Variants in XG observed in about 807,000 individuals in gnomAD.
The protein encoded by XG is glycoprotein Xg.
A neutral mutation model predicts 25.7 loss-of-function variants in XG; 24 were observed. The ratio of observed to expected loss-of-function variants is 0.93; its 90% CI spans 0.68 to 1.31. The LOEUF is 1.31. Among genes scored for constraint, XG ranks in the 40% most tolerant of loss-of-function variants. The probability of loss-of-function intolerance (pLI) is 0.00; values close to 1 mark genes in which losing one functional copy is unlikely to be tolerated. For synonymous variants in XG, 77 were observed against 69.2 expected (o/e 1.11, Z -0.56); for missense variants, 181 against 187.6 (o/e 0.96, Z 0.21).
intron 1 of XG, among the ~76,000 whole-genome samples, chrX:2,759,446 A>G (rs192818052): frequency 1.3e-5 from 2 of 152,256 alleles, no homozygotes; most frequent in East Asian, 3.9e-4. Context: ...GAGGTACGGT[A>G]TAGTTGTCTG....
At chrX:2,786,509 C>T (rs1317380705) in intron 4 of XG, among the ~76,000 whole-genome samples, 1 of 109,629 alleles carries the variant, frequency 9.1e-6, no homozygotes, top group Non-Finnish European at 1.9e-5. Context: ...CTCAGGTGAT[C>T]TGCCCACCTT....
intron 1 of XG, among the ~76,000 whole-genome samples, chrX:2,757,931 C>T (rs948476205): frequency 7.8e-5 from 11 of 140,226 alleles, no homozygotes; most frequent in Non-Finnish European, 1.5e-4. Context: ...GAGATCATAC[C>T]ACTGCACTCC....
chrX:2,811,356 G>A lies in XG; in HGVS notation c.475G>A (p.Val159Met), dbSNP rs766062680. The change falls in exon 10 of 11, where the codon GTG becomes ATG. Residue 159 changes from valine (V) to methionine (M), a missense_variant. Coordinates refer to ENST00000644266, the MANE Select transcript of XG (RefSeq NM_001141919.2). ...NPEGNMVAKI[V>M]SPIVSVVVVT... ...TGCAGGCAATATGGTAGCAAAAATCGTGTCTCCCATCGTATCCGTGGTGGT... is the reference window on the plus strand; with the variant it reads ...TGCAGGCAATATGGTAGCAAAAATCATGTCTCCCATCGTATCCGTGGTGGT... 1.0e-5 allele frequency: 12 copies of A among 1,204,456 alleles called. No homozygotes were observed. Among genetic ancestry groups the A allele is most frequent in the Middle Eastern group, 2.3e-4 (1 of 4,353 alleles).
intron 7 of XG, among the ~76,000 whole-genome samples, chrX:2,806,304 C>T (rs2086996635): frequency 9.0e-6 from 1 of 111,576 alleles, no homozygotes. Context: ...GGTAGGATTA[C>T]AGGTGGGAGC....
intron 3 of XG, among the ~76,000 whole-genome samples, chrX:2,777,725 AT>A (rs947954934): frequency 1.4e-4 from 21 of 152,362 alleles, no homozygotes; most frequent in African/African-American, 4.8e-4. Flanking sequence ...ATGTTCAGTG[AT>A]TTAATAAATC....
In XG at chrX:2,753,055, C is replaced by T. The variant is rs1043377819; in HGVS notation, c.61+720C>T. The T allele has an allele frequency of 2.5e-4, 204 of 815,712 alleles. 3 individuals carry two copies. In the African/African-American group the frequency reaches 3.2e-3, roughly 13 times the overall value. 50.5% of individuals were successfully genotyped at this position (815,712 alleles called of 1,614,324 possible). A position where few individuals can be genotyped will look rare whatever the true frequency, so the allele number is the denominator to read the frequency against. ...GATTTCAGAGAAGGGAACACCTGGG[C>T]GCATCTTAAGAGAGAGAAGTATTTC... is the stretch of plus-strand genomic sequence containing the variant. On this transcript the variant is annotated intron_variant, in intron 1 of 10. Transcript: ENST00000644266.
intron 3 of XG, among the ~76,000 whole-genome samples, chrX:2,777,256 CAG>C (rs1398092541): frequency 6.6e-6 from 1 of 152,054 alleles, no homozygotes; most frequent in African/African-American, 2.4e-5. Context: ...GCTACCTTCA[CAG>C]AGAGGATAAG....
intron 1 of XG, 115 bp from the exon 2 acceptor site, chrX:2,770,435 A>T (rs2050792112): frequency 2.6e-6 from 3 of 1,172,930 alleles, no homozygotes; most frequent in Admixed American, 1.7e-5. Context: ...GGTTAGTTTT[A>T]GTGCTCTGGG....
At chrX:2,784,690 A>G (rs768399604) in intron 4 of XG, among the ~76,000 whole-genome samples, 8 of 111,758 alleles carry the variant, frequency 7.2e-5, no homozygotes, top group Non-Finnish European at 1.5e-4. Context: ...ATGAACCCCA[A>G]TAGGAGGAGG....
chrX:2,799,004 G>A (rs931692620), intron 7 of XG, among the ~76,000 whole-genome samples: 12 of 109,685 alleles, frequency 1.1e-4, no homozygotes, highest in Non-Finnish European at 1.9e-4. Context: ...GAGAAAAAGC[G>A]TATAAATTTA....
At chrX:2,780,961 C>A (rs998167236) in intron 3 of XG, among the ~76,000 whole-genome samples, 24 of 151,942 alleles carry the variant, frequency 1.6e-4, no homozygotes, top group Non-Finnish European at 3.4e-4. Context: ...AAGCAGTTCC[C>A]AGCTGGACTT....
chrX:2,771,374 G>A (rs1386397155), intron 2 of XG, among the ~76,000 whole-genome samples: 3 of 152,100 alleles, frequency 2.0e-5, no homozygotes, highest in Admixed American at 6.5e-5. Context: ...CTTCACTGAC[G>A]GGGCTGTGAG....
chrX:2,797,413 T>A, intron 7 of XG, 53 bp downstream of exon 7: 2 of 1,169,413 alleles, frequency 1.7e-6, no homozygotes, highest in Non-Finnish European at 2.3e-6. Flanking sequence ...AGGGGTCATC[T>A]TTCTAGGGCT....
At chrX:2,769,524 G>T (rs1374565312) in intron 1 of XG, among the ~76,000 whole-genome samples, 1 of 152,208 alleles carries the variant, frequency 6.6e-6, no homozygotes, top group Non-Finnish European at 1.5e-5. Context: ...TGCATAGTAA[G>T]TGCTGACTCA....
At chrX:2,801,959 G>T (rs1049285678) in intron 7 of XG, among the ~76,000 whole-genome samples, 1 of 110,440 alleles carries the variant, frequency 9.1e-6, no homozygotes, top group Non-Finnish European at 1.9e-5. Flanking sequence ...CGCCCGCCTC[G>T]GCCTCCCAAA....
chrX:2,792,460 G>C (rs1185509277), intron 5 of XG, among the ~76,000 whole-genome samples: 2 of 109,963 alleles, frequency 1.8e-5, no homozygotes, highest in South Asian at 4.0e-4. Flanking sequence ...TTAGCCTCCT[G>C]AATAGCTGGG....
chrX:2,780,338 C>T (rs2051090902), intron 3 of XG, among the ~76,000 whole-genome samples: 1 of 150,474 alleles, frequency 6.6e-6, no homozygotes. Flanking sequence ...TAGAAATGCT[C>T]AGGGTCACAC....
At chrX:2,759,220 T>TACA (rs1438485984) in intron 1 of XG, among the ~76,000 whole-genome samples, 15 of 152,214 alleles carry the variant, frequency 9.9e-5, no homozygotes, top group Non-Finnish European at 5.9e-5. Context: ...CAAGGCATGT[T>TACA]GTTCAACACC....
intron 1 of XG, among the ~76,000 whole-genome samples, chrX:2,761,758 G>A (rs28698294): frequency 0.059 from 9,009 of 152,164 alleles, 850 homozygotes; most frequent in African/African-American, 0.2. Flanking sequence ...GGATGACCAC[G>A]TGGGGACTCA....
Sources: gnomAD v4.1 joint callset for allele counts (sites outside exome capture counted in the v4.1 genomes callset) on GRCh38, gnomAD v4.1.1 for gene constraint, MANE v1.5 for transcripts, NCBI Gene and HGNC (gene_info 2026-07-23, HGNC 2026-07-21) for gene names.